Variants in SLC44A1 observed in about 807,000 individuals in gnomAD.
SLC44A1 encodes solute carrier family 44 member 1, also known as choline transporter-like protein 1.
In SLC44A1, 26 loss-of-function variants were observed where a neutral mutation model predicts 79.3. That is an observed-to-expected ratio of 0.33 (90% CI 0.24 to 0.46). SLC44A1 has a LOEUF of 0.46. Among genes scored for constraint, SLC44A1 ranks in the 20% least tolerant of loss-of-function variants. SLC44A1 has a pLI of 1.00. For synonymous variants in SLC44A1, 263 were observed against 286.2 expected (o/e 0.92, Z 0.82); for missense variants, 688 against 798.1 (o/e 0.86, Z 1.66).
chr9:105,265,543 G>A (rs1829942475), intron 1 of SLC44A1, among the ~76,000 whole-genome samples: 1 of 150,624 alleles, frequency 6.6e-6, no homozygotes, highest in Non-Finnish European at 1.5e-5. Context: ...GAAGAACACG[G>A]GGTTGTTTCC....
At position 105,248,672 on chromosome 9, in the gene SLC44A1, A is replaced by G. The variant is rs956948238; in HGVS notation, c.36+3768A>G. 1.1e-4 allele frequency among the ~76,000 whole-genome samples: 16 copies of G among 152,206 alleles called. 1 individual carries two copies. On this transcript the variant is annotated intron_variant, in intron 1 of 15. Transcript: ENST00000374720. ...TAAAAGTCTTTTGAGGGGAACGTAAAAGTAAGATAGTCTTGAGTTTCTTTT... is the reference window on the plus strand; with the variant it reads ...TAAAAGTCTTTTGAGGGGAACGTAAGAGTAAGATAGTCTTGAGTTTCTTTT...
chr9:105,383,722 G>C (rs577885773), intron 14 of SLC44A1, among the ~76,000 whole-genome samples: 72 of 152,294 alleles, frequency 4.7e-4, no homozygotes, highest in South Asian at 1.0e-3. Flanking sequence ...CCAGGTCCTA[G>C]TGCCTACCTG....
intron 15 of SLC44A1, among the ~76,000 whole-genome samples, chr9:105,425,481 G>A (rs2087902432): frequency 6.6e-6 from 1 of 152,180 alleles, no homozygotes; most frequent in South Asian, 2.1e-4. Context: ...GAAGGATGAC[G>A]AATTTGGCAT....
chr9:105,348,516 T>G (rs1827308719), intron 5 of SLC44A1, 65 bp downstream of exon 5: 4 of 983,714 alleles, frequency 4.1e-6, no homozygotes, highest in Non-Finnish European at 6.5e-6. Flanking sequence ...TTAAACAATA[T>G]ATGTTATTCT....
At chr9:105,269,265 ATTAT>A (rs1471064164) in intron 1 of SLC44A1, among the ~76,000 whole-genome samples, 1 of 152,088 alleles carries the variant, frequency 6.6e-6, no homozygotes, top group Non-Finnish European at 1.5e-5. Flanking sequence ...TGGCCTTGAT[ATTAT>A]TTATCATTTT....
At chr9:105,317,054 G>A (rs1831347083) in intron 3 of SLC44A1, among the ~76,000 whole-genome samples, 1 of 152,150 alleles carries the variant, frequency 6.6e-6, no homozygotes, top group South Asian at 2.1e-4. Flanking sequence ...CAAGCTCATT[G>A]AGGCTATTGA....
In SLC44A1 at chr9:105,392,027, T is replaced by C. The variant is rs1828773192; in HGVS notation, c.*2971T>C. 5.1e-6 allele frequency: 5 copies of C among 985,096 alleles called. No individual in the cohort carries two copies. The highest frequency in any genetic ancestry group is 6.2e-5 in the Admixed American group (1 of 16,258). The allele number at this position is 985,096 out of a possible 1,614,324, so 61.0% of individuals were successfully genotyped here. On this transcript the variant is annotated 3_prime_UTR_variant, in exon 16 of 16. Coordinates refer to ENST00000374720, the MANE Select transcript of SLC44A1 (RefSeq NM_080546.5). ...GCCTGAAGAATAAGGTCTTCCATAA[T>C]ATGGAAGAGAAAAGTTATATTTCAG...
Position 105,390,194 on chromosome 9 carries a change from C to T in SLC44A1, c.*1138C>T. ...TTGGGGGTGGGTTTGGGGTTTTTTG[C>T]TTTTTTATTCCTGAAGCTTACCAGA... On this transcript the variant is annotated 3_prime_UTR_variant, in exon 16 of 16. Coordinates refer to ENST00000374720, the MANE Select transcript of SLC44A1 (RefSeq NM_080546.5). 8.6e-7 allele frequency: 1 copy of T among 1,163,990 alleles called. No homozygotes were observed. Among genetic ancestry groups the T allele is most frequent in the Non-Finnish European group, 1.1e-6 (1 of 944,138 alleles). The allele number at this position is 1,163,990 out of a possible 1,614,324, so 72.1% of individuals were successfully genotyped here. A position where few individuals can be genotyped will look rare whatever the true frequency, so the allele number is the denominator to read the frequency against.
At chr9:105,414,504 A>G (rs555659940) in intron 15 of SLC44A1, among the ~76,000 whole-genome samples, 7 of 152,208 alleles carry the variant, frequency 4.6e-5, no homozygotes, top group Non-Finnish European at 8.8e-5. Flanking sequence ...ATTTATTTGT[A>G]GCAATCTAAT....
At chr9:105,423,160 G>A (rs1829275872) in intron 15 of SLC44A1, among the ~76,000 whole-genome samples, 1 of 152,150 alleles carries the variant, frequency 6.6e-6, no homozygotes, top group African/African-American at 2.4e-5. Context: ...TCAAGAATGG[G>A]CCAGGCGTGG....
intron 1 of SLC44A1, among the ~76,000 whole-genome samples, chr9:105,253,886 G>T (rs1256307471): frequency 6.6e-6 from 1 of 152,098 alleles, no homozygotes; most frequent in Non-Finnish European, 1.5e-5. Context: ...ACCACACCTG[G>T]CTAATTTTAT....
At chr9:105,320,733 A>C (rs1217685193) in intron 3 of SLC44A1, among the ~76,000 whole-genome samples, 1 of 152,134 alleles carries the variant, frequency 6.6e-6, no homozygotes. Context: ...GTACAGTCCC[A>C]TGCATGTCAC....
rs1564452768 is a variant in SLC44A1 at position 105,351,598 on chromosome 9, GAAAGAAAGAAAGAAAGAAAGAA to G, written c.500+3149_500+3170del. ...AGAGAAAGAGAGAAAGAGAGAAAGAGAAAGAAAGAAAGAAAGAAAGAAAGAGAGAGAAAGAGAAAGAAAGAAA... is the reference window on the plus strand; with the variant it reads ...AGAGAAAGAGAGAAAGAGAGAAAGAGAGAGAGAGAAAGAGAAAGAAAGAAA... On this transcript the variant is annotated intron_variant, in intron 5 of 15. Transcript: ENST00000374720. Among the ~76,000 whole-genome samples the G allele has an allele frequency of 4.1e-3, 369 of 90,656 alleles. 6 individuals carry two copies. Among genetic ancestry groups the G allele is most frequent in the African/African-American group, 0.014 (301 of 21,098 alleles). The allele number at this position is 90,656 out of a possible 152,430, so 59.5% of individuals were successfully genotyped here. A position where few individuals can be genotyped will look rare whatever the true frequency, so the allele number is the denominator to read the frequency against.
chr9:105,411,943 C>G (rs1335345695), intron 15 of SLC44A1, among the ~76,000 whole-genome samples: 1 of 152,152 alleles, frequency 6.6e-6, no homozygotes, highest in Non-Finnish European at 1.5e-5. Flanking sequence ...TAATAAGTAT[C>G]TTGTGGAGAC....
chr9:105,377,150 A>T (rs936917225), intron 13 of SLC44A1, among the ~76,000 whole-genome samples: 1 of 152,202 alleles, frequency 6.6e-6, no homozygotes, highest in Non-Finnish European at 1.5e-5. Flanking sequence ...GATGCCTAAC[A>T]ATAGAGAAAT....
intron 15 of SLC44A1, chr9:105,438,144 G>T: frequency 1.5e-6 from 1 of 662,960 alleles, no homozygotes; most frequent in Non-Finnish European, 2.7e-6. Flanking sequence ...GTGTGTGTGT[G>T]TGTGTGTGTA....
intron 15 of SLC44A1, among the ~76,000 whole-genome samples, chr9:105,430,676 G>A (rs1298841181): frequency 6.6e-6 from 1 of 152,114 alleles, no homozygotes; most frequent in Non-Finnish European, 1.5e-5. Context: ...ATCAGTTAAT[G>A]GATACTTAGG....
Position 105,393,657 on chromosome 9 carries a change from A to G in SLC44A1, c.*4601A>G. 1.0e-6 allele frequency: 1 copy of G among 984,404 alleles called. No homozygotes were observed. Among genetic ancestry groups the G allele is most frequent in the Non-Finnish European group, 1.2e-6 (1 of 829,020 alleles). 61.0% of individuals were successfully genotyped at this position (984,404 alleles called of 1,614,324 possible). ...CCCTTTCTTCCCATCTTGATTTTGT[A>G]CATGTAAAGACAAATGATGATTCAG... is the stretch of plus-strand genomic sequence containing the variant. On this transcript the variant is annotated 3_prime_UTR_variant, in exon 16 of 16. Coordinates refer to ENST00000374720, the MANE Select transcript of SLC44A1 (RefSeq NM_080546.5).
At chr9:105,245,529 T>A (rs986466378) in intron 1 of SLC44A1, among the ~76,000 whole-genome samples, 1 of 152,070 alleles carries the variant, frequency 6.6e-6, no homozygotes, top group Non-Finnish European at 1.5e-5. Flanking sequence ...CATCCCCCCT[T>A]AGTGCCGTGA....
Sources: allele counts gnomAD v4.1 joint callset (sites outside exome capture counted in the v4.1 genomes callset), GRCh38; gene constraint gnomAD v4.1.1; transcripts MANE v1.5; gene names NCBI Gene and HGNC (gene_info 2026-07-23, HGNC 2026-07-21).